The following PDGFRL variants were observed in gnomAD, a reference collection of about 807,000 sequenced individuals.
PDGFRL encodes platelet-derived growth factor receptor-like protein.
Under a neutral mutation model 37.2 loss-of-function variants are expected in PDGFRL, and 46 were observed. That is an observed-to-expected ratio of 1.24 (90% CI 0.98 to 1.58). The LOEUF (loss-of-function observed/expected upper bound fraction) is 1.58, where lower values mean the gene tolerates loss of function less well. Ranked by LOEUF, PDGFRL falls within the 40% of genes most tolerant of loss-of-function variation. The pLI, the probability that PDGFRL is intolerant of heterozygous loss-of-function variation, is 0.00. For missense variants in PDGFRL, 692 were observed against 467.6 expected, an observed-to-expected ratio of 1.48 and a Z score of -4.43; for synonymous variants, 251 against 184.3, an observed-to-expected ratio of 1.36 and a Z score of -2.93.
At chr8:17,586,902 T>A (rs1803830261) in intron 1 of PDGFRL, among the ~76,000 whole-genome samples, 1 of 152,244 alleles carries the variant, frequency 6.6e-6, no homozygotes, top group African/African-American at 2.4e-5. Context: ...TCTTGAATTT[T>A]GCCACCTATT....
chr8:17,618,722 C>T (rs546853449), intron 2 of PDGFRL, among the ~76,000 whole-genome samples: 103 of 152,226 alleles, frequency 6.8e-4, no homozygotes, highest in African/African-American at 2.3e-3. Flanking sequence ...TCAATTCGCT[C>T]ATGTTTAGGG....
intron 3 of PDGFRL, among the ~76,000 whole-genome samples, chr8:17,621,861 T>C (rs1291895623): frequency 6.6e-6 from 1 of 152,160 alleles, no homozygotes; most frequent in African/African-American, 2.4e-5. Context: ...TCGGTAGAAG[T>C]GAGGTCTCAC....
At chr8:17,596,885 C>T (rs537681961) in intron 2 of PDGFRL, among the ~76,000 whole-genome samples, 9 of 152,342 alleles carry the variant, frequency 5.9e-5, no homozygotes, top group South Asian at 2.1e-4. Context: ...GTTCCCAGAA[C>T]GTGGTGCCTT....
chr8:17,586,926 T>C (rs1803830876), intron 1 of PDGFRL, among the ~76,000 whole-genome samples: 1 of 152,244 alleles, frequency 6.6e-6, no homozygotes, highest in Non-Finnish European at 1.5e-5. Flanking sequence ...CTATAAATTA[T>C]ACGATGCAAT....
At chr8:17,577,390 C>A in intron 1 of PDGFRL, 83 bp downstream of exon 1, 1 of 1,206,870 alleles carries the variant, frequency 8.3e-7, no homozygotes, top group Non-Finnish European at 1.2e-6. Context: ...CTCCTGCCAG[C>A]TCTTGGTCTA....
At chr8:17,616,336 A>G (rs1423791197) in intron 2 of PDGFRL, among the ~76,000 whole-genome samples, 6 of 152,074 alleles carry the variant, frequency 3.9e-5, no homozygotes, top group Non-Finnish European at 7.4e-5. Context: ...CTGGGACTAC[A>G]GGCATGCACC....
At chr8:17,595,094 C>T (rs1420967568) in intron 2 of PDGFRL, among the ~76,000 whole-genome samples, 2 of 152,082 alleles carry the variant, frequency 1.3e-5, no homozygotes, top group African/African-American at 4.8e-5. Flanking sequence ...GTGAGATTTG[C>T]CAGCACTCAG....
chr8:17,640,908 C>T (rs937955833), intron 5 of PDGFRL, among the ~76,000 whole-genome samples: 6 of 151,406 alleles, frequency 4.0e-5, no homozygotes, highest in African/African-American at 9.7e-5. Flanking sequence ...GTGGGCTAGG[C>T]GTGTCTGAGC....
At chr8:17,579,069 G>A (rs1803649912) in intron 1 of PDGFRL, among the ~76,000 whole-genome samples, 1 of 152,016 alleles carries the variant, frequency 6.6e-6, no homozygotes, top group Non-Finnish European at 1.5e-5. Flanking sequence ...GTGGTGGTGG[G>A]CACGTGTAAT....
chr8:17,626,962 G>C (rs531388937), intron 3 of PDGFRL, among the ~76,000 whole-genome samples: 2 of 152,314 alleles, frequency 1.3e-5, no homozygotes, highest in Non-Finnish European at 2.9e-5. Context: ...TGGCCAAGCC[G>C]AGAGCAGACC....
chr8:17,627,645 T>G (rs1444211052), intron 3 of PDGFRL, among the ~76,000 whole-genome samples: 1 of 144,668 alleles, frequency 6.9e-6, no homozygotes, highest in Non-Finnish European at 1.5e-5. Flanking sequence ...AATTTTTTTT[T>G]TTTTATTTTT....
chr8:17,601,154 A>C (rs1804158395), intron 2 of PDGFRL, among the ~76,000 whole-genome samples: 1 of 152,198 alleles, frequency 6.6e-6, no homozygotes, highest in South Asian at 2.1e-4. Flanking sequence ...CAATGATGCT[A>C]CTATCTAAGC....
At chr8:17,618,345 C>T (rs141998632) in intron 2 of PDGFRL, among the ~76,000 whole-genome samples, 49 of 152,302 alleles carry the variant, frequency 3.2e-4, no homozygotes, top group South Asian at 1.7e-3. Context: ...CATGAACCAC[C>T]GCACCTGGCC....
chr8:17,585,854 C>A (rs1048461082), intron 1 of PDGFRL, among the ~76,000 whole-genome samples: 2 of 152,182 alleles, frequency 1.3e-5, no homozygotes, highest in East Asian at 3.8e-4. Flanking sequence ...TTGTGATTCT[C>A]AGTTGATGAT....
chr8:17,636,690 G>A (rs73200110), intron 5 of PDGFRL, among the ~76,000 whole-genome samples: 149 of 152,098 alleles, frequency 9.8e-4, no homozygotes, highest in Non-Finnish European at 1.8e-3. Flanking sequence ...CATTGAATCT[G>A]TGGATTGCTT....
intron 1 of PDGFRL, among the ~76,000 whole-genome samples, chr8:17,589,002 G>A (rs1290730429): frequency 6.6e-6 from 1 of 152,144 alleles, no homozygotes; most frequent in Non-Finnish European, 1.5e-5. Context: ...ATCAAAAGAT[G>A]ATAATTACAT....
intron 2 of PDGFRL, among the ~76,000 whole-genome samples, chr8:17,617,291 G>T (rs1462330663): frequency 6.6e-6 from 1 of 151,892 alleles, no homozygotes; most frequent in Non-Finnish European, 1.5e-5. Flanking sequence ...TCCTGTTAAT[G>T]TGAATTCTGC....
intron 2 of PDGFRL, among the ~76,000 whole-genome samples, chr8:17,616,074 G>A (rs1385749541): frequency 1.3e-5 from 2 of 152,204 alleles, no homozygotes; most frequent in East Asian, 1.9e-4. Flanking sequence ...TGTGGAAGAC[G>A]AGCTGTAGCT....
At chr8:17,585,639 C>T (rs1236693748) in intron 1 of PDGFRL, among the ~76,000 whole-genome samples, 1 of 152,164 alleles carries the variant, frequency 6.6e-6, no homozygotes, top group East Asian at 1.9e-4. Flanking sequence ...AACTGAGGAG[C>T]TACTTTTAGG....
Sources: gnomAD v4.1 joint callset for allele counts (sites outside exome capture counted in the v4.1 genomes callset) on GRCh38, gnomAD v4.1.1 for gene constraint, MANE v1.5 for transcripts, NCBI Gene and HGNC (gene_info 2026-07-23, HGNC 2026-07-21) for gene names.